The following BLM variants were observed in gnomAD, a reference collection of about 807,000 sequenced individuals.
BLM encodes the protein BLM RecQ like helicase.
BLM carries 95 observed loss-of-function variants against 135.3 expected under a neutral mutation model. That is an observed-to-expected ratio of 0.70 (90% CI 0.59 to 0.83). The LOEUF is 0.83. BLM is among the 40% of genes least tolerant of loss of function. BLM has a pLI of 0.00. For synonymous variants in BLM, 520 were observed against 589.2 expected, an observed-to-expected ratio of 0.88 and a Z score of 1.70; for missense variants, 1,518 against 1,663.9, an observed-to-expected ratio of 0.91 and a Z score of 1.53.
intron 14 of BLM, among the ~76,000 whole-genome samples, chr15:90,786,886 G>A (rs201158363): frequency 6.6e-6 from 1 of 151,394 alleles, no homozygotes; most frequent in African/African-American, 2.4e-5. Context: ...GTGCTGGGAT[G>A]ACAGGTGTGA....
intron 1 of BLM, among the ~76,000 whole-genome samples, chr15:90,740,820 C>A (rs1895345145): frequency 6.6e-6 from 1 of 152,190 alleles, no homozygotes; most frequent in Admixed American, 6.5e-5. Context: ...CACTTTCTTG[C>A]CTGCCACCAT....
intron 20 of BLM, among the ~76,000 whole-genome samples, chr15:90,810,212 C>G (rs1416428361): frequency 6.6e-6 from 1 of 152,038 alleles, no homozygotes; most frequent in Non-Finnish European, 1.5e-5. Flanking sequence ...ACCACCACAC[C>G]TGACTTATTT....
chr15:90,773,692 C>T (rs1354536714), intron 12 of BLM, among the ~76,000 whole-genome samples: 1 of 152,014 alleles, frequency 6.6e-6, no homozygotes, highest in African/African-American at 2.4e-5. Flanking sequence ...TGTAGGTTTG[C>T]GCCTATTCTG....
At chr15:90,779,342 A>G (rs1896562302) in intron 12 of BLM, among the ~76,000 whole-genome samples, 1 of 152,190 alleles carries the variant, frequency 6.6e-6, no homozygotes, top group Non-Finnish European at 1.5e-5. Flanking sequence ...TTAAATTAAT[A>G]AAACACTTTT....
At chr15:90,760,366 T>A (rs1328939485) in intron 6 of BLM, 87 bp downstream of exon 6, 2 of 1,558,166 alleles carry the variant, frequency 1.3e-6, no homozygotes, top group South Asian at 1.1e-5. Flanking sequence ...ATGTTCAGGC[T>A]TTCTGGCCTG....
Position 90,771,233 on chromosome 15 carries a change from TC to T in BLM, c.2555+1650del, listed in dbSNP as rs1398173634. On this transcript the variant is annotated intron_variant, in intron 12 of 21. Coordinates refer to ENST00000355112, the MANE Select transcript of BLM (RefSeq NM_000057.4). ...TGGGTGCAGTGGCTCATGCCTGTAA[TC>T]CCAGCACTTTGGGAGGCCGAGGCAG... Among the ~76,000 whole-genome samples, 5 of 152,230 alleles carry T rather than the reference TC, an allele frequency of 3.3e-5. No homozygotes were observed. The East Asian group carries it at 9.6e-4, about 29-fold the overall frequency.
At chr15:90,772,873 G>A (rs370991953) in intron 12 of BLM, among the ~76,000 whole-genome samples, 16 of 151,648 alleles carry the variant, frequency 1.1e-4, no homozygotes, top group African/African-American at 3.4e-4. Context: ...CAAGGTGGGC[G>A]GATCACCTGA....
rs375546159 is a variant in BLM at position 90,768,194 on chromosome 15, C to T, written c.2308-939C>T. Reference sequence around the variant, plus strand: ...CTGACCTCAGGCGATCTGCCCACCTCGGCCTCCCAAAGTGCTGGGATTACA... The same window carrying T: ...CTGACCTCAGGCGATCTGCCCACCTTGGCCTCCCAAAGTGCTGGGATTACA... On this transcript the variant is annotated intron_variant, in intron 10 of 21. Coordinates refer to ENST00000355112, the MANE Select transcript of BLM (RefSeq NM_000057.4). Among the ~76,000 whole-genome samples, 10 of 152,248 alleles carry T rather than the reference C, an allele frequency of 6.6e-5. No individual in the cohort carries two copies. The East Asian group carries it at 1.3e-3, about 21-fold the overall frequency.
At position 90,816,103 on chromosome 15, in the gene BLM, AT is replaced by A. The variant is rs1282359899; in HGVS notation, c.*825del. The A allele has an allele frequency of 6.7e-6, 1 of 150,354 alleles. No homozygotes were observed. Among genetic ancestry groups the A allele is most frequent in the Non-Finnish European group, 1.5e-5 (1 of 67,630 alleles). The allele number at this position is 150,354 out of a possible 1,614,324, so 9.3% of individuals were successfully genotyped here. On this transcript the variant is annotated 3_prime_UTR_variant, in exon 22 of 22. Transcript: ENST00000355112. Reference sequence around the variant, plus strand: ...CTCAAAAAAAAAAAAAAAAAAAGAAATATACATGCTCTGCAAATATGTGAAA... The same window carrying A: ...CTCAAAAAAAAAAAAAAAAAAAGAAAATACATGCTCTGCAAATATGTGAAA...
At chr15:90,794,460 AAC>A in intron 16 of BLM, 103 bp downstream of exon 16, 1 of 897,018 alleles carries the variant, frequency 1.1e-6, no homozygotes, top group South Asian at 2.0e-5. Context: ...CCGACAGATT[AAC>A]AGGGGAAAGA....
At chr15:90,746,789 C>CTATA (rs1895512664) in intron 1 of BLM, among the ~76,000 whole-genome samples, 1 of 152,130 alleles carries the variant, frequency 6.6e-6, no homozygotes, top group African/African-American at 2.4e-5. Flanking sequence ...TTATCCTGGG[C>CTATA]TATAGCTCAG....
intron 12 of BLM, among the ~76,000 whole-genome samples, chr15:90,771,605 T>A (rs1012081583): frequency 6.7e-6 from 1 of 149,762 alleles, no homozygotes; most frequent in African/African-American, 2.4e-5. Context: ...ATTTTTTTTT[T>A]TTTTTTTTTT....
At chr15:90,751,765 T>C in intron 3 of BLM, 22 bp from the exon 4 acceptor site, 1 of 1,598,422 alleles carries the variant, frequency 6.3e-7, no homozygotes, top group African/African-American at 1.3e-5. Flanking sequence ...CAAATCTATG[T>C]TTATCAACTG....
At chr15:90,808,250 A>C (rs1252687859) in intron 19 of BLM, among the ~76,000 whole-genome samples, 1 of 152,200 alleles carries the variant, frequency 6.6e-6, no homozygotes. Context: ...TTCTGTCCAC[A>C]GTCTCTTGCT....
At chr15:90,798,167 A>C (rs910652616) in intron 16 of BLM, 23 bp from the exon 17 acceptor site, 2 of 1,577,278 alleles carry the variant, frequency 1.3e-6, no homozygotes, top group African/African-American at 2.7e-5. Context: ...TTATAGCAGA[A>C]AGTATTCTCT....
intron 1 of BLM, among the ~76,000 whole-genome samples, chr15:90,725,595 G>A (rs1000745587): frequency 6.7e-5 from 10 of 150,084 alleles, no homozygotes; most frequent in African/African-American, 1.5e-4. Flanking sequence ...CCGGGTTCAC[G>A]CCATTCACCT....
At chr15:90,776,414 T>C (rs1040278665) in intron 12 of BLM, among the ~76,000 whole-genome samples, 5 of 152,364 alleles carry the variant, frequency 3.3e-5, no homozygotes, top group Admixed American at 1.3e-4. Context: ...CCAATATGTA[T>C]GGAAGAGTTG....
At chr15:90,742,256 C>T (rs1234798785) in intron 1 of BLM, among the ~76,000 whole-genome samples, 2 of 152,104 alleles carry the variant, frequency 1.3e-5, no homozygotes, top group East Asian at 3.9e-4. Context: ...CACCTTTGCC[C>T]CAGGGAAAGT....
intron 12 of BLM, among the ~76,000 whole-genome samples, chr15:90,770,831 C>T (rs1231114589): frequency 6.6e-6 from 1 of 152,134 alleles, no homozygotes; most frequent in African/African-American, 2.4e-5. Context: ...CTGAAGGTTC[C>T]TTATGAAGGA....
Sources: allele counts gnomAD v4.1 joint callset (sites outside exome capture counted in the v4.1 genomes callset), GRCh38; gene constraint gnomAD v4.1.1; transcripts MANE v1.5; gene names NCBI Gene and HGNC (gene_info 2026-07-23, HGNC 2026-07-21).